Variants in NOS1AP observed in about 807,000 individuals in gnomAD.
The protein encoded by NOS1AP is nitric oxide synthase 1 adaptor protein.
NOS1AP carries 21 observed loss-of-function variants against 56.2 expected under a neutral mutation model. The ratio of observed to expected loss-of-function variants is 0.37; its 90% CI spans 0.26 to 0.54. The LOEUF (loss-of-function observed/expected upper bound fraction) is 0.54. NOS1AP is among the 20% of genes least tolerant of loss of function. NOS1AP has a pLI of 0.84. For missense variants in NOS1AP, 522 were observed against 657.8 expected (o/e 0.79, Z 2.26); for synonymous variants, 270 against 274.6 (o/e 0.98, Z 0.17).
intron 2 of NOS1AP, among the ~76,000 whole-genome samples, chr1:162,247,908 C>T (rs921420018): frequency 1.3e-5 from 2 of 152,116 alleles, no homozygotes; most frequent in Non-Finnish European, 2.9e-5. Context: ...TTCAAGGTCA[C>T]AGTAATTGGT....
intron 2 of NOS1AP, among the ~76,000 whole-genome samples, chr1:162,276,209 C>A (rs764064150): frequency 6.6e-6 from 1 of 152,190 alleles, no homozygotes; most frequent in African/African-American, 2.4e-5. Context: ...AACAGTCCTG[C>A]AGAAAACAGT....
intron 2 of NOS1AP, among the ~76,000 whole-genome samples, chr1:162,240,947 A>G (rs1386248360): frequency 1.3e-5 from 2 of 152,190 alleles, no homozygotes; most frequent in Non-Finnish European, 2.9e-5. Flanking sequence ...GGCAGTGTGC[A>G]GTTATGTGGG....
chr1:162,310,363 T>A (rs928871100), intron 4 of NOS1AP, among the ~76,000 whole-genome samples: 25 of 152,244 alleles, frequency 1.6e-4, no homozygotes, highest in Admixed American at 5.9e-4. Context: ...CAGCCTCGCA[T>A]TGCCTAAGGT....
intron 2 of NOS1AP, among the ~76,000 whole-genome samples, chr1:162,255,256 C>A (rs1241535320): frequency 3.3e-5 from 5 of 152,062 alleles, no homozygotes; most frequent in Non-Finnish European, 5.9e-5. Flanking sequence ...CACTTTCCAC[C>A]CCCCTCACTC....
At chr1:162,193,471 A>T (rs1187972020) in intron 2 of NOS1AP, among the ~76,000 whole-genome samples, 1 of 152,192 alleles carries the variant, frequency 6.6e-6, no homozygotes, top group Non-Finnish European at 1.5e-5. Context: ...ATGGCCTGAG[A>T]GTTAGAAAGG....
chr1:162,257,683 A>G (rs1006808483), intron 2 of NOS1AP, among the ~76,000 whole-genome samples: 2 of 151,714 alleles, frequency 1.3e-5, no homozygotes, highest in African/African-American at 2.4e-5. Context: ...CCAGGCCCCA[A>G]ATCTGGTACA....
intron 1 of NOS1AP, among the ~76,000 whole-genome samples, chr1:162,092,243 T>A (rs1488872362): frequency 1.3e-5 from 2 of 152,158 alleles, no homozygotes; most frequent in Non-Finnish European, 2.9e-5. Context: ...ATTCTTTTGT[T>A]TTAGGAAGTT....
intron 4 of NOS1AP, among the ~76,000 whole-genome samples, chr1:162,304,415 A>G (rs1235160284): frequency 6.6e-6 from 1 of 152,192 alleles, no homozygotes; most frequent in Non-Finnish European, 1.5e-5. Flanking sequence ...CCATAGTTTA[A>G]TAATTCTTGA....
At chr1:162,133,421 C>T (rs1648843634) in intron 1 of NOS1AP, among the ~76,000 whole-genome samples, 1 of 152,174 alleles carries the variant, frequency 6.6e-6, no homozygotes, top group South Asian at 2.1e-4. Context: ...ACCCAGATAC[C>T]ATTTATAGTT....
At chr1:162,095,507 G>A (rs988250504) in intron 1 of NOS1AP, among the ~76,000 whole-genome samples, 18 of 152,220 alleles carry the variant, frequency 1.2e-4, no homozygotes, top group African/African-American at 4.3e-4. Context: ...CTGGGTGTGT[G>A]TATACTCTGT....
intron 8 of NOS1AP, among the ~76,000 whole-genome samples, chr1:162,357,902 GCT>G (rs1657754098): frequency 6.7e-6 from 1 of 148,630 alleles, no homozygotes; most frequent in South Asian, 2.1e-4. Context: ...GGAAGTCTGA[GCT>G]CCCTCTCTAC....
At chr1:162,226,272 AAAAAGAAAAGAAAAG>A in intron 2 of NOS1AP, among the ~76,000 whole-genome samples, 1 of 152,246 alleles carries the variant, frequency 6.6e-6, no homozygotes, top group East Asian at 1.9e-4. Context: ...CAGCCTCCAA[AAAAAGAAAAGAAAAG>A]AAAAGAAAAG....
intron 1 of NOS1AP, among the ~76,000 whole-genome samples, chr1:162,094,531 T>C (rs550286536): frequency 6.6e-6 from 1 of 152,298 alleles, no homozygotes; most frequent in African/African-American, 2.4e-5. Flanking sequence ...GTCATGTTGA[T>C]GGATGGATGG....
intron 9 of NOS1AP, 39 bp downstream of exon 9, chr1:162,365,608 A>C: frequency 2.5e-6 from 4 of 1,602,298 alleles, no homozygotes; most frequent in Non-Finnish European, 3.4e-6. Context: ...TCCTCTGTGA[A>C]GGCTCTGGAA....
At chr1:162,105,908 G>A (rs1647486637) in intron 1 of NOS1AP, among the ~76,000 whole-genome samples, 1 of 152,236 alleles carries the variant, frequency 6.6e-6, no homozygotes, top group Admixed American at 6.5e-5. Context: ...TGCTGTGAAA[G>A]TGGGGCCCGA....
chr1:162,360,328 T>C (rs1225958191), intron 8 of NOS1AP, among the ~76,000 whole-genome samples: 1 of 152,190 alleles, frequency 6.6e-6, no homozygotes. Context: ...AGCTTCCTGC[T>C]TTTAGGTGGA....
At chr1:162,275,243 G>T (rs114276124) in intron 2 of NOS1AP, among the ~76,000 whole-genome samples, 3,826 of 152,110 alleles carry the variant, frequency 0.025, 69 homozygotes, top group Non-Finnish European at 0.038. Flanking sequence ...GCAGTTGTAC[G>T]ATCTTGGCTC....
intron 6 of NOS1AP, among the ~76,000 whole-genome samples, chr1:162,352,600 A>C (rs1657551823): frequency 6.6e-6 from 1 of 152,164 alleles, no homozygotes; most frequent in South Asian, 2.1e-4. Context: ...TGAGAAGTCC[A>C]AGATTAAGGT....
intron 4 of NOS1AP, among the ~76,000 whole-genome samples, chr1:162,323,100 T>C (rs1299260982): frequency 6.6e-6 from 1 of 152,046 alleles, no homozygotes; most frequent in Non-Finnish European, 1.5e-5. Flanking sequence ...TAAGGTGAGG[T>C]CATATTAGAT....
Sources: gnomAD v4.1 joint callset for allele counts (sites outside exome capture counted in the v4.1 genomes callset) on GRCh38, gnomAD v4.1.1 for gene constraint, MANE v1.5 for transcripts, NCBI Gene and HGNC (gene_info 2026-07-23, HGNC 2026-07-21) for gene names.